The following BAG4 variants were observed in gnomAD, a reference collection of about 807,000 sequenced individuals.
BAG4 encodes BAG cochaperone 4, also known as BAG family molecular chaperone regulator 4.
In BAG4, 28 loss-of-function variants were observed where a neutral mutation model predicts 52.1. The observed-to-expected ratio is 0.54, with a 90% CI of 0.40 to 0.74. The LOEUF is 0.74. Ranked by LOEUF, BAG4 falls within the 30% of genes least tolerant of loss-of-function variation. The pLI is 0.00. For synonymous variants in BAG4, 208 were observed against 217.0 expected, an observed-to-expected ratio of 0.96 and a Z score of 0.37; for missense variants, 525 against 572.0, an observed-to-expected ratio of 0.92 and a Z score of 0.84.
At chr8:38,193,831 T>C (rs1803518153) in intron 2 of BAG4, among the ~76,000 whole-genome samples, 1 of 151,414 alleles carries the variant, frequency 6.6e-6, no homozygotes, top group Non-Finnish European at 1.5e-5. Context: ...CTCCGCCTCC[T>C]GGGTTCAAGT....
At position 38,210,071 on chromosome 8, in the gene BAG4, G is replaced by A. The variant is rs1413368237; in HGVS notation, c.952G>A (p.Val318Ile). 2.0e-5 allele frequency: 32 copies of A among 1,614,020 alleles called. 1 individual carries two copies. Among genetic ancestry groups the A allele is most frequent in the South Asian group, 5.5e-5 (5 of 91,072 alleles). ...SMNRHNFPCS[V>I]HQYESSGTVN... ...GAACCGGCACAACTTTCCTTGCAGT[G>A]TCCATCAGTACGAATCCTCGGGGAC... The change falls in exon 5 of 5, where the codon GTC (valine) becomes ATC (isoleucine). Residue 318 changes from valine (V) to isoleucine (I), a missense_variant. Coordinates refer to ENST00000287322, the MANE Select transcript of BAG4 (RefSeq NM_004874.4).
chr8:38,191,308 T>G (rs1358575971), intron 1 of BAG4, among the ~76,000 whole-genome samples: 3 of 152,142 alleles, frequency 2.0e-5, no homozygotes, highest in Non-Finnish European at 4.4e-5. Context: ...TGAAAAAAAT[T>G]CAAAGTATTA....
intron 2 of BAG4, among the ~76,000 whole-genome samples, chr8:38,197,906 G>C (rs1172660211): frequency 6.6e-6 from 1 of 151,904 alleles, no homozygotes; most frequent in African/African-American, 2.4e-5. Flanking sequence ...CATCATGTTG[G>C]CCAGGCTGGT....
intron 1 of BAG4, among the ~76,000 whole-genome samples, chr8:38,185,022 G>A (rs7462971): frequency 4.2e-4 from 64 of 151,548 alleles, no homozygotes; most frequent in African/African-American, 1.5e-3. Flanking sequence ...CTGGGAGGTG[G>A]AGATTGCATT....
intron 1 of BAG4, among the ~76,000 whole-genome samples, chr8:38,184,873 G>A (rs1403560133): frequency 6.6e-6 from 1 of 152,208 alleles, no homozygotes; most frequent in African/African-American, 2.4e-5. Flanking sequence ...GGCAGATCAC[G>A]AGGTCAGGAG....
At chr8:38,209,483 AAGAC>A (rs2130693608) in intron 4 of BAG4, 2 of 588,724 alleles carry the variant, frequency 3.4e-6, no homozygotes, top group Admixed American at 3.6e-5. Flanking sequence ...TTTTTGTTAA[AAGAC>A]AGAAAGATAC....
intron 1 of BAG4, among the ~76,000 whole-genome samples, chr8:38,191,181 A>G (rs564264623): frequency 6.6e-6 from 1 of 152,314 alleles, no homozygotes; most frequent in East Asian, 1.9e-4. Context: ...CCTATCTCCC[A>G]TTGTGAAAAT....
chr8:38,183,153 T>A (rs2130662972), intron 1 of BAG4, among the ~76,000 whole-genome samples: 1 of 148,540 alleles, frequency 6.7e-6, no homozygotes, highest in East Asian at 2.1e-4. Flanking sequence ...CATGCCATTC[T>A]CCCACTTCAG....
chr8:38,197,050 C>G (rs2130679354), intron 2 of BAG4, among the ~76,000 whole-genome samples: 1 of 152,212 alleles, frequency 6.6e-6, no homozygotes, highest in Non-Finnish European at 1.5e-5. Flanking sequence ...CCATTGCACT[C>G]CAGTCTGCGT....
At chr8:38,195,946 A>C (rs1175608633) in intron 2 of BAG4, among the ~76,000 whole-genome samples, 1 of 152,096 alleles carries the variant, frequency 6.6e-6, no homozygotes, top group Non-Finnish European at 1.5e-5. Flanking sequence ...CCTGTAATCT[A>C]CTTTTTTATC....
intron 2 of BAG4, among the ~76,000 whole-genome samples, chr8:38,193,184 C>T (rs1355767376): frequency 6.6e-6 from 1 of 151,876 alleles, no homozygotes; most frequent in Admixed American, 6.6e-5. Flanking sequence ...TTTGGGAGAC[C>T]AAGGCAGGCA....
chr8:38,203,440 G>T (rs991840149), intron 2 of BAG4, among the ~76,000 whole-genome samples: 11 of 151,678 alleles, frequency 7.3e-5, no homozygotes, highest in African/African-American at 2.7e-4. Flanking sequence ...CTGCCACCAC[G>T]CCCAGCTAAT....
At chr8:38,204,445 G>A (rs1003531191) in intron 2 of BAG4, among the ~76,000 whole-genome samples, 2 of 87,558 alleles carry the variant, frequency 2.3e-5, no homozygotes, top group Non-Finnish European at 5.1e-5. Context: ...GCTTGAGCCC[G>A]GAGTTTGAGG....
At chr8:38,206,797 C>G (rs1423788145) in intron 2 of BAG4, among the ~76,000 whole-genome samples, 1 of 151,976 alleles carries the variant, frequency 6.6e-6, no homozygotes, top group African/African-American at 2.4e-5. Flanking sequence ...CTTATACTTT[C>G]TGAGACAGAG....
intron 2 of BAG4, among the ~76,000 whole-genome samples, chr8:38,194,655 C>T (rs1268783835): frequency 6.6e-6 from 1 of 151,184 alleles, no homozygotes; most frequent in Non-Finnish European, 1.5e-5. Context: ...ACCTCGTGGT[C>T]CGCCCACCTT....
At chr8:38,200,119 T>C (rs1803635887) in intron 2 of BAG4, among the ~76,000 whole-genome samples, 1 of 151,770 alleles carries the variant, frequency 6.6e-6, no homozygotes, top group Non-Finnish European at 1.5e-5. Flanking sequence ...GATTCTTGCC[T>C]CAGCCTCCCG....
chr8:38,187,341 A>G (rs1242811463), intron 1 of BAG4, among the ~76,000 whole-genome samples: 2 of 152,208 alleles, frequency 1.3e-5, no homozygotes, highest in Admixed American at 1.3e-4. Context: ...GAGGAGTTCA[A>G]TAGGCTAGAA....
At chr8:38,203,439 C>A (rs540858575) in intron 2 of BAG4, among the ~76,000 whole-genome samples, 1 of 152,020 alleles carries the variant, frequency 6.6e-6, no homozygotes, top group African/African-American at 2.4e-5. Flanking sequence ...CCTGCCACCA[C>A]GCCCAGCTAA....
At chr8:38,180,304 C>T (rs1417625000) in intron 1 of BAG4, among the ~76,000 whole-genome samples, 2 of 151,832 alleles carry the variant, frequency 1.3e-5, no homozygotes, top group Non-Finnish European at 2.9e-5. Context: ...AGGTGGATCA[C>T]CTGAGGTCAG....
Sources: allele counts gnomAD v4.1 joint callset (sites outside exome capture counted in the v4.1 genomes callset), GRCh38; gene constraint gnomAD v4.1.1; transcripts MANE v1.5; gene names NCBI Gene and HGNC (gene_info 2026-07-23, HGNC 2026-07-21).